CSMD1: variants seen among roughly 807,000 people sequenced by gnomAD.
The protein encoded by CSMD1 is CUB and Sushi multiple domains 1, also known as CUB and sushi domain-containing protein 1.
CSMD1 carries 213 observed loss-of-function variants against 417.5 expected under a neutral mutation model. The observed-to-expected ratio is 0.51, with a 90% confidence interval of 0.46 to 0.57. The LOEUF is 0.57. Ranked by LOEUF, CSMD1 falls within the 20% of genes least tolerant of loss-of-function variation. CSMD1 has a pLI of 0.00. For missense variants in CSMD1, 6,923 were observed against 4,529.7 expected (o/e 1.53, Z -15.17); for synonymous variants, 2,862 against 1,736.8 (o/e 1.65, Z -16.11).
At chr8:4,260,484 GT>G (rs1006134951) in intron 3 of CSMD1, among the ~76,000 whole-genome samples, 1 of 152,144 alleles carries the variant, frequency 6.6e-6, no homozygotes, top group Non-Finnish European at 1.5e-5. Flanking sequence ...TTCACCTGAA[GT>G]AAATACAAGG....
At chr8:4,114,849 A>C (rs1168338131) in intron 3 of CSMD1, among the ~76,000 whole-genome samples, 2 of 152,202 alleles carry the variant, frequency 1.3e-5, no homozygotes, top group Non-Finnish European at 2.9e-5. Context: ...ACGTGACTGA[A>C]TTGCTGCAAT....
At chr8:4,331,457 C>A (rs1341930349) in intron 3 of CSMD1, among the ~76,000 whole-genome samples, 2 of 152,130 alleles carry the variant, frequency 1.3e-5, no homozygotes, top group Non-Finnish European at 2.9e-5. Flanking sequence ...GTAACGAGAG[C>A]CTTGCCAGCC....
chr8:4,506,515 G>A (rs1276149386), intron 2 of CSMD1, among the ~76,000 whole-genome samples: 1 of 152,126 alleles, frequency 6.6e-6, no homozygotes, highest in Non-Finnish European at 1.5e-5. Context: ...ATGGCAGGAG[G>A]CGGGGTTGGG....
intron 3 of CSMD1, among the ~76,000 whole-genome samples, chr8:4,275,356 A>C (rs1479172009): frequency 1.3e-5 from 2 of 152,310 alleles, no homozygotes; most frequent in East Asian, 3.9e-4. Flanking sequence ...GAAGAAACTC[A>C]GTGCCAAGAT....
intron 3 of CSMD1, among the ~76,000 whole-genome samples, chr8:4,249,257 T>A (rs1802902047): frequency 1.3e-5 from 2 of 152,206 alleles, no homozygotes; most frequent in Admixed American, 1.3e-4. Flanking sequence ...ATTTCTCTTT[T>A]ATTATCTTGT....
At chr8:3,919,158 G>C (rs1220196133) in intron 5 of CSMD1, among the ~76,000 whole-genome samples, 4 of 122,824 alleles carry the variant, frequency 3.3e-5, no homozygotes, top group East Asian at 4.8e-4. Flanking sequence ...TTTTGATTTG[G>C]TTGCCTGTAC....
At chr8:3,233,069 T>TTGCTTATTA (rs1355757988) in intron 26 of CSMD1, among the ~76,000 whole-genome samples, 7 of 149,444 alleles carry the variant, frequency 4.7e-5, no homozygotes, top group Non-Finnish European at 7.4e-5. Context: ...ATCAATTTGT[T>TTGCTTATTA]TGCTTATTAT....
rs141898665 is a variant in CSMD1, at chr8:4,049,000, G to A, written c.416-16901C>T. ...ATTTCTCTAAGGTTGATACAAAGAG[G>A]TGATGTTAATGATCACCTTTTCAAG... On this transcript the variant is annotated intron_variant, in intron 3 of 69. Coordinates refer to ENST00000635120, the MANE Select transcript of CSMD1 (RefSeq NM_033225.6). 2.6e-3 allele frequency among the ~76,000 whole-genome samples: 395 copies of A among 152,212 alleles called. 2 individuals are homozygous for A. Among genetic ancestry groups the A allele is most frequent in the African/African-American group, 9.0e-3 (375 of 41,536 alleles).
intron 2 of CSMD1, among the ~76,000 whole-genome samples, chr8:4,440,740 AATC>A (rs1415926827): frequency 1.3e-5 from 2 of 152,166 alleles, no homozygotes; most frequent in Non-Finnish European, 2.9e-5. Context: ...TCATGCCTAT[AATC>A]CCAGCATTTT....
intron 4 of CSMD1, among the ~76,000 whole-genome samples, chr8:4,010,630 A>G (rs1261601941): frequency 6.6e-6 from 1 of 152,060 alleles, no homozygotes; most frequent in Non-Finnish European, 1.5e-5. Flanking sequence ...TCACTTACCC[A>G]AACACCTAAA....
intron 6 of CSMD1, among the ~76,000 whole-genome samples, chr8:3,729,403 G>A (rs1802690646): frequency 6.6e-6 from 1 of 152,146 alleles, no homozygotes; most frequent in Non-Finnish European, 1.5e-5. Context: ...TCAGTTCTTA[G>A]GCACAACTCT....
intron 1 of CSMD1, among the ~76,000 whole-genome samples, chr8:4,925,569 C>A (rs867633020): frequency 1.4e-5 from 2 of 147,170 alleles, no homozygotes; most frequent in Non-Finnish European, 3.0e-5. Context: ...TTTTTTGAGA[C>A]GGAGTCTCGC....
intron 2 of CSMD1, among the ~76,000 whole-genome samples, chr8:4,498,491 A>G (rs1024617040): frequency 6.6e-6 from 1 of 152,282 alleles, no homozygotes. Context: ...TTTTAATTTT[A>G]AAATTGATTT....
intron 26 of CSMD1, among the ~76,000 whole-genome samples, chr8:3,250,460 G>A (rs532614821): frequency 6.6e-6 from 1 of 152,196 alleles, no homozygotes. Flanking sequence ...GTCTGTCATT[G>A]TTGGGCATTT....
At chr8:3,126,149 G>A (rs562265876) in intron 41 of CSMD1, among the ~76,000 whole-genome samples, 3 of 152,262 alleles carry the variant, frequency 2.0e-5, no homozygotes, top group East Asian at 1.9e-4. Context: ...TTAATCCCAG[G>A]AGGCTCATTT....
At chr8:3,095,080 T>G (rs1052951186) in intron 47 of CSMD1, among the ~76,000 whole-genome samples, 2 of 152,158 alleles carry the variant, frequency 1.3e-5, no homozygotes, top group Admixed American at 6.5e-5. Context: ...CATGAGTGCA[T>G]AAATTATTGA....
At chr8:4,963,310 G>T (rs1809639526) in intron 1 of CSMD1, among the ~76,000 whole-genome samples, 1 of 152,186 alleles carries the variant, frequency 6.6e-6, no homozygotes, top group Middle Eastern at 3.4e-3. Flanking sequence ...AAGCAATCAT[G>T]TGCCTCAGCC....
chr8:4,330,626 C>A (rs894928274), intron 3 of CSMD1, among the ~76,000 whole-genome samples: 1 of 151,370 alleles, frequency 6.6e-6, no homozygotes, highest in Non-Finnish European at 1.5e-5. Context: ...GCTCATAAAT[C>A]TAATCATATT....
At chr8:3,861,320 G>C (rs1386233896) in intron 5 of CSMD1, among the ~76,000 whole-genome samples, 1 of 152,116 alleles carries the variant, frequency 6.6e-6, no homozygotes, top group African/African-American at 2.4e-5. Context: ...TTTTATCTTG[G>C]CTGGCATAAC....
Sources: allele counts gnomAD v4.1 joint callset (sites outside exome capture counted in the v4.1 genomes callset), GRCh38; gene constraint gnomAD v4.1.1; transcripts MANE v1.5; gene names NCBI Gene and HGNC (gene_info 2026-07-23, HGNC 2026-07-21).